The following DNAJA2 variants were observed in gnomAD, a reference collection of about 807,000 sequenced individuals.
DNAJA2 encodes the protein DnaJ heat shock protein family (Hsp40) member A2.
DNAJA2 carries 6 observed loss-of-function variants against 49.3 expected under a neutral mutation model. That is an observed-to-expected ratio of 0.12 (90% CI 0.07 to 0.24). The LOEUF (loss-of-function observed/expected upper bound fraction) is 0.24. Ranked by LOEUF, DNAJA2 falls within the 10% of genes least tolerant of loss-of-function variation. The probability of loss-of-function intolerance (pLI) is 1.00; values close to 1 mark genes in which losing one functional copy is unlikely to be tolerated. For missense variants in DNAJA2, 347 were observed against 516.8 expected (o/e 0.67, Z 3.19); for synonymous variants, 160 against 172.7 (o/e 0.93, Z 0.58).
At chr16:46,960,293 C>G (rs1309194849) in intron 6 of DNAJA2, among the ~76,000 whole-genome samples, 1 of 152,154 alleles carries the variant, frequency 6.6e-6, no homozygotes, top group East Asian at 1.9e-4. Context: ...TATTCTTGGG[C>G]CCCACTTCCA....
intron 6 of DNAJA2, among the ~76,000 whole-genome samples, chr16:46,963,191 GGA>G (rs1723376230): frequency 6.6e-6 from 1 of 152,118 alleles, no homozygotes; most frequent in African/African-American, 2.4e-5. Context: ...GATTTTCAGA[GGA>G]ACACATGAGT....
chr16:46,966,069 C>A (rs1043086975), intron 5 of DNAJA2, among the ~76,000 whole-genome samples: 1 of 151,822 alleles, frequency 6.6e-6, no homozygotes, highest in African/African-American at 2.4e-5. Flanking sequence ...ACAAGAAATA[C>A]AAAAATTAGC....
chr16:46,961,957 C>T lies in DNAJA2; in HGVS notation c.775-2538G>A, dbSNP rs183837806. Among the ~76,000 whole-genome samples the T allele has an allele frequency of 1.4e-4, 21 of 152,176 alleles. No individual in the cohort carries two copies. In the East Asian group the frequency reaches 4.1e-3, roughly 29 times the overall value. ...CCACCGAGACACACAAACAGGCACA[C>T]TGACAAGTGACATGGCAGGATGATG... On this transcript the variant is annotated intron_variant, in intron 6 of 8. Coordinates refer to ENST00000317089, the MANE Select transcript of DNAJA2 (RefSeq NM_005880.4).
Position 46,973,666 on chromosome 16 carries a change from G to A in DNAJA2, c.-94C>T, listed in dbSNP as rs573336167. The stretch of plus-strand genomic sequence containing the variant: ...GGCGTCGGCGGCGGCACAGGCCGAG[G>A]GAGACAGCGAGGGGGAAGCGGGGGC... On this transcript the variant is annotated 5_prime_UTR_variant, in exon 1 of 9. Transcript: ENST00000317089. 90 of 1,353,208 alleles carry A rather than the reference G, an allele frequency of 6.7e-5. No homozygotes were observed. Among genetic ancestry groups the A allele is most frequent in the African/African-American group, 8.9e-5 (6 of 67,088 alleles). 83.8% of individuals were successfully genotyped at this position (1,353,208 alleles called of 1,614,324 possible).
At chr16:46,964,955 C>T in intron 5 of DNAJA2, 148 bp from the exon 6 acceptor site, 1 of 659,394 alleles carries the variant, frequency 1.5e-6, no homozygotes, top group Non-Finnish European at 2.4e-6. Flanking sequence ...CACAGTGGCT[C>T]AAGCCTGCAA....
At chr16:46,971,023 G>A (rs1404333929) in intron 3 of DNAJA2, among the ~76,000 whole-genome samples, 4 of 149,448 alleles carry the variant, frequency 2.7e-5, no homozygotes, top group East Asian at 3.9e-4. Flanking sequence ...GGACAAGAGC[G>A]AAACTCGGTC....
At chr16:46,968,234 C>T in intron 3 of DNAJA2, 70 bp from the exon 4 acceptor site, 7 of 1,007,618 alleles carry the variant, frequency 6.9e-6, no homozygotes, top group Non-Finnish European at 1.0e-5. Flanking sequence ...TAAGTAACAG[C>T]TGATACAGCA....
intron 3 of DNAJA2, among the ~76,000 whole-genome samples, chr16:46,969,496 C>T (rs1962016835): frequency 6.6e-6 from 1 of 152,162 alleles, no homozygotes; most frequent in African/African-American, 2.4e-5. Context: ...CACATCTCAA[C>T]AAAGAAGGCC....
chr16:46,957,599 T>C (rs1961833773), intron 8 of DNAJA2, among the ~76,000 whole-genome samples: 1 of 52,114 alleles, frequency 1.9e-5, no homozygotes, highest in Admixed American at 3.0e-4. Flanking sequence ...CAAGACTCCA[T>C]CTCAAAAAAA....
chr16:46,962,646 A>G (rs1279808173), intron 6 of DNAJA2, among the ~76,000 whole-genome samples: 10 of 152,234 alleles, frequency 6.6e-5, no homozygotes, highest in Non-Finnish European at 8.8e-5. Context: ...ACAAGGAAGT[A>G]GCTAAAATGT....
At chr16:46,958,867 C>T in intron 8 of DNAJA2, 136 bp downstream of exon 8, 1 of 905,098 alleles carries the variant, frequency 1.1e-6, no homozygotes. Flanking sequence ...TCGCTTCAGC[C>T]CAGGAGGTCG....
At chr16:46,959,805 G>GTCC (rs1961869451) in intron 6 of DNAJA2, among the ~76,000 whole-genome samples, 1 of 152,140 alleles carries the variant, frequency 6.6e-6, no homozygotes, top group South Asian at 2.1e-4. Flanking sequence ...AGACATGATC[G>GTCC]TAACAGGGAA....
At position 46,973,576 on chromosome 16, in the gene DNAJA2, G is replaced by A; in HGVS notation, c.-4C>T. Reference sequence around the variant, plus strand: ...TCGTGTCAGCCACGTTAGCCATGGCGGCCGGCCGGGCAGTGCTCGGGGAGA... The same window carrying A: ...TCGTGTCAGCCACGTTAGCCATGGCAGCCGGCCGGGCAGTGCTCGGGGAGA... On this transcript the variant is annotated 5_prime_UTR_variant, in exon 1 of 9. Coordinates refer to ENST00000317089, the MANE Select transcript of DNAJA2 (RefSeq NM_005880.4). 1.3e-6 allele frequency: 2 copies of A among 1,592,364 alleles called. No homozygotes were observed.
Position 46,968,148 on chromosome 16 carries a change from G to C in DNAJA2, c.379C>G (p.Leu127Val). 1 of 1,603,090 alleles carries C rather than the reference G, an allele frequency of 6.2e-7. No individual in the cohort carries two copies. Among genetic ancestry groups the C allele is most frequent in the Non-Finnish European group, 8.5e-7 (1 of 1,176,432 alleles). Residue 127 changes from leucine to valine, a missense_variant, in exon 4 of 9, where the codon CTG becomes GTG. Physicochemically the swap from Leu to Val is conservative, Grantham distance 32 (BLOSUM62 1). Transcript: ENST00000317089. Reference sequence around the variant, plus strand: ...AGTTTGGTTGTCTTGCCATTATACAGATCTTCTAAAGATACTCTGGAAAGA... The same window carrying C: ...AGTTTGGTTGTCTTGCCATTATACACATCTTCTAAAGATACTCTGGAAAGA... ...MHPLKVSLED[L>V]YNGKTTKLQL... is the part of the protein sequence containing the mutation.
At chr16:46,958,077 G>T (rs537827663) in intron 8 of DNAJA2, among the ~76,000 whole-genome samples, 1 of 152,248 alleles carries the variant, frequency 6.6e-6, no homozygotes, top group African/African-American at 2.4e-5. Flanking sequence ...AGTGGCTCAC[G>T]ACTGCAATCC....
intron 6 of DNAJA2, among the ~76,000 whole-genome samples, chr16:46,959,896 G>A (rs377658855): frequency 6.6e-6 from 1 of 152,084 alleles, no homozygotes. Context: ...GCTCAATTCC[G>A]TGCTTCACAC....
chr16:46,963,730 GACC>G (rs1405704619), intron 6 of DNAJA2, among the ~76,000 whole-genome samples: 1 of 151,834 alleles, frequency 6.6e-6, no homozygotes, highest in Non-Finnish European at 1.5e-5. Context: ...ATACACTAGT[GACC>G]ACATTCTTCA....
At chr16:46,971,863 AC>A in intron 2 of DNAJA2, 32 bp downstream of exon 2, 1 of 1,577,566 alleles carries the variant, frequency 6.3e-7, no homozygotes, top group Non-Finnish European at 8.7e-7. Flanking sequence ...TAAAGCTAAA[AC>A]CCCCGGAATA....
rs1271877201 is a variant in DNAJA2 at position 46,973,647 on chromosome 16, G to T, written c.-75C>A. ...CGGAGTCGGGCCCACAAGCGGCGTC[G>T]GCGGCGGCACAGGCCGAGGGAGACA... On this transcript the variant is annotated 5_prime_UTR_variant, in exon 1 of 9. Coordinates refer to ENST00000317089, the MANE Select transcript of DNAJA2 (RefSeq NM_005880.4). 4.0e-6 allele frequency: 6 copies of T among 1,498,130 alleles called. No homozygotes were observed. Among genetic ancestry groups the T allele is most frequent in the African/African-American group, 1.4e-5 (1 of 69,988 alleles). The allele number at this position is 1,498,130 out of a possible 1,614,324, so 92.8% of individuals were successfully genotyped here.
Sources: gnomAD v4.1 joint callset for allele counts (sites outside exome capture counted in the v4.1 genomes callset) on GRCh38, gnomAD v4.1.1 for gene constraint, MANE v1.5 for transcripts, NCBI Gene and HGNC (gene_info 2026-07-23, HGNC 2026-07-21) for gene names.